Variants in EXOC4 observed in about 807,000 individuals in gnomAD.
EXOC4 encodes exocyst complex component 4.
In EXOC4, 71 loss-of-function variants were observed where a neutral mutation model predicts 107.2. The ratio of observed to expected loss-of-function variants is 0.66; its 90% CI spans 0.55 to 0.81. The LOEUF (loss-of-function observed/expected upper bound fraction) is 0.81. Among genes scored for constraint, EXOC4 ranks in the 30% least tolerant of loss-of-function variants. EXOC4 has a pLI of 0.00. For missense variants in EXOC4, 1,108 were observed against 1,189.6 expected, an observed-to-expected ratio of 0.93 and a Z score of 1.01; for synonymous variants, 456 against 441.2, an observed-to-expected ratio of 1.03 and a Z score of -0.42.
At chr7:133,610,192 G>A (rs1210968400) in intron 9 of EXOC4, among the ~76,000 whole-genome samples, 2 of 152,154 alleles carry the variant, frequency 1.3e-5, no homozygotes, top group African/African-American at 2.4e-5. Context: ...AGAAGCCTTG[G>A]TAATGGTTCC....
At chr7:133,975,724 G>A (rs1002000028) in intron 14 of EXOC4, among the ~76,000 whole-genome samples, 3 of 141,766 alleles carry the variant, frequency 2.1e-5, no homozygotes, top group African/African-American at 8.0e-5. Flanking sequence ...TCAATGACAA[G>A]GTATATTCTA....
intron 9 of EXOC4, among the ~76,000 whole-genome samples, chr7:133,485,371 C>T (rs563126115): frequency 6.6e-6 from 1 of 151,960 alleles, no homozygotes; most frequent in East Asian, 2.0e-4. Context: ...TTGTCAAAAG[C>T]CTGTTGGAGT....
At chr7:133,261,990 C>T (rs1331755794) in intron 1 of EXOC4, among the ~76,000 whole-genome samples, 1 of 152,182 alleles carries the variant, frequency 6.6e-6, no homozygotes, top group East Asian at 1.9e-4. Context: ...AGCTCTTTCC[C>T]ATCTCCATTA....
intron 7 of EXOC4, among the ~76,000 whole-genome samples, chr7:133,399,452 G>A (rs958948585): frequency 7.2e-5 from 11 of 152,186 alleles, no homozygotes; most frequent in African/African-American, 2.2e-4. Flanking sequence ...ATTTGAGTGC[G>A]CGATTCTGTC....
At chr7:133,816,704 T>C (rs1250215260) in intron 10 of EXOC4, among the ~76,000 whole-genome samples, 1 of 152,184 alleles carries the variant, frequency 6.6e-6, no homozygotes, top group Non-Finnish European at 1.5e-5. Flanking sequence ...GGAATGAAAT[T>C]TCCACCACAG....
At chr7:133,485,768 T>TA (rs1799258110) in intron 9 of EXOC4, among the ~76,000 whole-genome samples, 2 of 152,308 alleles carry the variant, frequency 1.3e-5, no homozygotes, top group African/African-American at 4.8e-5. Flanking sequence ...CTATCTTTAA[T>TA]ATCTCCTTAT....
chr7:133,778,945 T>C (rs1018704473), intron 10 of EXOC4, among the ~76,000 whole-genome samples: 1 of 152,248 alleles, frequency 6.6e-6, no homozygotes, highest in Non-Finnish European at 1.5e-5. Context: ...ATTCCTTTAA[T>C]AGATACGATA....
At position 134,013,581 on chromosome 7, in the gene EXOC4, G is replaced by A. The variant is rs138952949; in HGVS notation, c.2687+5746G>A. ...TATTGGTTCATTCATTGTAACAAAT[G>A]TATCATACTAATGTAAGATGTTAAT... On this transcript the variant is annotated intron_variant, in intron 17 of 17. Coordinates refer to ENST00000253861, the MANE Select transcript of EXOC4 (RefSeq NM_021807.4). Among the ~76,000 whole-genome samples, 1,412 of 152,246 alleles carry A rather than the reference G, an allele frequency of 9.3e-3. 11 individuals carry two copies. The highest frequency in any genetic ancestry group is 0.014 in the Non-Finnish European group (975 of 68,016).
rs576145469 is a variant in EXOC4, at chr7:133,487,885, CT to C, written c.1417+7749del. Among the ~76,000 whole-genome samples, 17 of 152,192 alleles carry C rather than the reference CT, an allele frequency of 1.1e-4. No individual in the cohort carries two copies. In the South Asian group the frequency reaches 3.3e-3, roughly 30 times the overall value. ...AGGTAAAAATAACAGCTTTGCTCAT[CT>C]TATTAGACATTTTTTAGGCCCACAA... On this transcript the variant is annotated intron_variant, in intron 9 of 17. Coordinates refer to ENST00000253861, the MANE Select transcript of EXOC4 (RefSeq NM_021807.4).
At chr7:134,061,870 CAG>C (rs1796067286) in intron 17 of EXOC4, among the ~76,000 whole-genome samples, 1 of 152,108 alleles carries the variant, frequency 6.6e-6, no homozygotes, top group Non-Finnish European at 1.5e-5. Flanking sequence ...TTCTTAGAAA[CAG>C]TGTGTTTAAA....
At chr7:134,042,540 A>C (rs1481919324) in intron 17 of EXOC4, among the ~76,000 whole-genome samples, 1 of 152,050 alleles carries the variant, frequency 6.6e-6, no homozygotes, top group East Asian at 1.9e-4. Context: ...GACTGGGCAC[A>C]CTGTCGATTA....
intron 5 of EXOC4, among the ~76,000 whole-genome samples, chr7:133,330,775 G>C (rs1379710297): frequency 6.6e-6 from 1 of 151,788 alleles, no homozygotes; most frequent in Admixed American, 6.6e-5. Flanking sequence ...CCCTTGGTGG[G>C]CTGCACCCAC....
intron 10 of EXOC4, among the ~76,000 whole-genome samples, chr7:133,766,335 T>C (rs1174671557): frequency 6.6e-6 from 1 of 152,056 alleles, no homozygotes; most frequent in Non-Finnish European, 1.5e-5. Context: ...TATGTGCTTG[T>C]GTTAATTATT....
intron 5 of EXOC4, among the ~76,000 whole-genome samples, chr7:133,333,607 A>G (rs887251863): frequency 1.3e-5 from 2 of 152,108 alleles, no homozygotes; most frequent in African/African-American, 4.8e-5. Context: ...ATACACATGT[A>G]TAGACAGAAA....
intron 3 of EXOC4, among the ~76,000 whole-genome samples, chr7:133,295,273 T>C (rs1319762006): frequency 6.6e-6 from 1 of 152,052 alleles, no homozygotes; most frequent in Admixed American, 6.6e-5. Flanking sequence ...AAAGGAACTC[T>C]TGTGGGTGGA....
chr7:133,506,147 A>G (rs1156957314), intron 9 of EXOC4, among the ~76,000 whole-genome samples: 1 of 152,154 alleles, frequency 6.6e-6, no homozygotes, highest in Non-Finnish European at 1.5e-5. Flanking sequence ...ATGACAGGAT[A>G]TGTTTTAGAA....
intron 10 of EXOC4, among the ~76,000 whole-genome samples, chr7:133,657,412 T>C (rs1217785054): frequency 6.6e-6 from 1 of 152,194 alleles, no homozygotes; most frequent in Non-Finnish European, 1.5e-5. Context: ...ATAGATACAA[T>C]TAAATTTTAC....
chr7:133,364,764 T>C (rs904335206), intron 6 of EXOC4, among the ~76,000 whole-genome samples: 1 of 152,198 alleles, frequency 6.6e-6, no homozygotes, highest in Non-Finnish European at 1.5e-5. Context: ...ATCTGGTATC[T>C]CACCTGAGTG....
At chr7:133,781,835 C>T (rs1052559967) in intron 10 of EXOC4, among the ~76,000 whole-genome samples, 2 of 152,200 alleles carry the variant, frequency 1.3e-5, no homozygotes, top group Non-Finnish European at 2.9e-5. Flanking sequence ...GCCAAGTTGT[C>T]TAACTTATCT....
Sources: allele counts gnomAD v4.1 joint callset (sites outside exome capture counted in the v4.1 genomes callset), GRCh38; gene constraint gnomAD v4.1.1; transcripts MANE v1.5; gene names NCBI Gene and HGNC (gene_info 2026-07-23, HGNC 2026-07-21).